PABPC4L: variants seen among roughly 807,000 people sequenced by gnomAD.
PABPC4L encodes poly(A) binding protein cytoplasmic 4 like, also known as polyadenylate-binding protein 4-like.
For missense variants in PABPC4L, 452 were observed against 451.4 expected (o/e 1.00, Z -0.01); for synonymous variants, 169 against 164.1 (o/e 1.03, Z -0.23).
the PABPC4L span, among the ~76,000 whole-genome samples, chr4:134,147,752 T>TGTG: frequency 1.4e-4 from 17 of 122,362 alleles, no homozygotes; most frequent in African/African-American, 5.2e-4. Context: ...TGTGTGTGTG[T>TGTG]TGTTGTTGTT....
the PABPC4L span, among the ~76,000 whole-genome samples, chr4:134,100,909 A>G: frequency 6.6e-6 from 1 of 151,650 alleles, no homozygotes; most frequent in Non-Finnish European, 1.5e-5. Context: ...ATTTATTTAT[A>G]GCCAAAATAA....
the PABPC4L span, among the ~76,000 whole-genome samples, chr4:133,958,083 A>C: frequency 6.6e-6 from 1 of 152,220 alleles, no homozygotes; most frequent in Non-Finnish European, 1.5e-5. Context: ...AGCCTGCTTG[A>C]ATTTCTGCTC....
chr4:134,018,212 C>A, the PABPC4L span, among the ~76,000 whole-genome samples: 1 of 152,096 alleles, frequency 6.6e-6, no homozygotes, highest in East Asian at 1.9e-4. Context: ...GAGAACAACC[C>A]CCCTTTGACT....
the PABPC4L span, among the ~76,000 whole-genome samples, chr4:134,151,909 A>AT: frequency 5.9e-3 from 902 of 151,914 alleles, 32 homozygotes; most frequent in Non-Finnish European, 1.4e-3. Flanking sequence ...TAAAAACTAT[A>AT]TTATCAGTTA....
chr4:134,078,635 G>A, the PABPC4L span, among the ~76,000 whole-genome samples: 1 of 144,974 alleles, frequency 6.9e-6, no homozygotes, highest in African/African-American at 2.6e-5. Flanking sequence ...TTTCAGCATA[G>A]AGATAAGTTT....
chr4:134,157,322 G>A, the PABPC4L span, among the ~76,000 whole-genome samples: 1 of 150,194 alleles, frequency 6.7e-6, no homozygotes, highest in African/African-American at 2.4e-5. Flanking sequence ...GAATTTTTAT[G>A]AATAACTTTG....
the PABPC4L span, among the ~76,000 whole-genome samples, chr4:134,111,865 G>A: frequency 1.3e-5 from 2 of 152,048 alleles, no homozygotes; most frequent in East Asian, 3.9e-4. Context: ...TCTCTGGTGT[G>A]TCTTTGTCAG....
chr4:134,108,457 A>G, the PABPC4L span, among the ~76,000 whole-genome samples: 2 of 151,912 alleles, frequency 1.3e-5, no homozygotes, highest in Non-Finnish European at 2.9e-5. Context: ...TGGGTCTGAC[A>G]TTACTTACAC....
chr4:134,134,617 T>C, the PABPC4L span, among the ~76,000 whole-genome samples: 1 of 151,030 alleles, frequency 6.6e-6, no homozygotes, highest in Non-Finnish European at 1.5e-5. Flanking sequence ...TACAATACAA[T>C]CTATTTCATC....
the PABPC4L span, among the ~76,000 whole-genome samples, chr4:134,065,547 C>T: frequency 2.0e-5 from 3 of 151,894 alleles, no homozygotes; most frequent in East Asian, 5.8e-4. Flanking sequence ...TCTGCAAATA[C>T]TTTCTTCCAT....
the PABPC4L span, among the ~76,000 whole-genome samples, chr4:133,999,463 A>G: frequency 6.6e-6 from 1 of 152,048 alleles, no homozygotes; most frequent in Non-Finnish European, 1.5e-5. Flanking sequence ...TGTTGGTTTT[A>G]TAATTTTTGC....
downstream of PABPC4L, among the ~76,000 whole-genome samples, chr4:134,191,935 GA>G (rs1729522460): frequency 6.6e-6 from 1 of 151,852 alleles, no homozygotes; most frequent in African/African-American, 2.4e-5. Context: ...AAAAACAATA[GA>G]AAAAGTGAAT....
At chr4:134,037,583 A>C in the PABPC4L span, among the ~76,000 whole-genome samples, 1 of 152,134 alleles carries the variant, frequency 6.6e-6, no homozygotes, top group Admixed American at 6.6e-5. Context: ...AAAGCAAATA[A>C]TTCCATTGAA....
At chr4:134,064,094 T>C in the PABPC4L span, among the ~76,000 whole-genome samples, 1 of 152,024 alleles carries the variant, frequency 6.6e-6, no homozygotes, top group Non-Finnish European at 1.5e-5. Context: ...ATGCAGAACT[T>C]ATTCTCCACG....
At chr4:134,164,788 T>A in the PABPC4L span, among the ~76,000 whole-genome samples, 1 of 152,166 alleles carries the variant, frequency 6.6e-6, no homozygotes, top group East Asian at 1.9e-4. Context: ...AAAATTCATA[T>A]GGATCAGGAA....
the PABPC4L span, among the ~76,000 whole-genome samples, chr4:134,088,694 A>T: frequency 2.6e-5 from 4 of 152,018 alleles, no homozygotes; most frequent in Admixed American, 2.6e-4. Flanking sequence ...CCAAGTTCTC[A>T]CCAGACACAA....
the PABPC4L span, among the ~76,000 whole-genome samples, chr4:133,982,007 A>G: frequency 6.6e-6 from 1 of 152,034 alleles, no homozygotes; most frequent in Admixed American, 6.5e-5. Flanking sequence ...GACATAAAAA[A>G]GGAAAATTTC....
At chr4:134,022,463 C>A in the PABPC4L span, among the ~76,000 whole-genome samples, 17 of 151,998 alleles carry the variant, frequency 1.1e-4, no homozygotes, top group Non-Finnish European at 2.4e-4. Flanking sequence ...GGACTGCTAC[C>A]AGGACTGTGT....
chr4:134,092,440 C>T, the PABPC4L span, among the ~76,000 whole-genome samples: 1 of 151,978 alleles, frequency 6.6e-6, no homozygotes, highest in Admixed American at 6.6e-5. Context: ...TCAATAAAAC[C>T]TCTTCATTCA....
Sources: gnomAD v4.1 joint callset for allele counts (sites outside exome capture counted in the v4.1 genomes callset) on GRCh38, gnomAD v4.1.1 for gene constraint, MANE v1.5 for transcripts, NCBI Gene and HGNC (gene_info 2026-07-23, HGNC 2026-07-21) for gene names.